THSD7B: variants seen among roughly 807,000 people sequenced by gnomAD.
THSD7B encodes the protein thrombospondin type 1 domain containing 7B.
A neutral mutation model predicts 213.6 loss-of-function variants in THSD7B; 138 were observed. That is an observed-to-expected ratio of 0.65 (90% CI 0.56 to 0.74). THSD7B has a LOEUF of 0.74. THSD7B is among the 30% of genes least tolerant of loss of function. THSD7B has a pLI of 0.00. For missense variants in THSD7B, 1,931 were observed against 1,991.5 expected (o/e 0.97, Z 0.58); for synonymous variants, 742 against 687.0 (o/e 1.08, Z -1.25).
intron 2 of THSD7B, among the ~76,000 whole-genome samples, chr2:137,030,663 A>G (rs1413435617): frequency 6.6e-6 from 1 of 152,192 alleles, no homozygotes; most frequent in African/African-American, 2.4e-5. Context: ...GAAGTTACTC[A>G]AGAATCAAAA....
At chr2:137,119,009 T>C (rs1221973869) in intron 5 of THSD7B, among the ~76,000 whole-genome samples, 1 of 152,158 alleles carries the variant, frequency 6.6e-6, no homozygotes, top group Non-Finnish European at 1.5e-5. Context: ...CCCCCATGAT[T>C]CAATTATCTC....
chr2:136,772,947 T>A (rs1223647032), intron 1 of THSD7B, among the ~76,000 whole-genome samples: 1 of 152,202 alleles, frequency 6.6e-6, no homozygotes, highest in African/African-American at 2.4e-5. Flanking sequence ...AAATATACTG[T>A]TGGAATCTGA....
intron 2 of THSD7B, among the ~76,000 whole-genome samples, chr2:136,940,738 A>ATT (rs1310333521): frequency 1.1e-4 from 16 of 140,736 alleles, no homozygotes; most frequent in Admixed American, 2.9e-4. Context: ...ATATATATAT[A>ATT]TATATTTTTT....
chr2:136,895,605 G>A (rs556710271), intron 2 of THSD7B, among the ~76,000 whole-genome samples: 1 of 133,110 alleles, frequency 7.5e-6, no homozygotes, highest in South Asian at 2.5e-4. Context: ...TTTATTTTAA[G>A]CAACTTTATT....
intron 12 of THSD7B, among the ~76,000 whole-genome samples, chr2:137,338,494 A>G (rs148236586): frequency 6.6e-6 from 1 of 152,070 alleles, no homozygotes; most frequent in African/African-American, 2.4e-5. Flanking sequence ...AAACTAAAAC[A>G]TATACCTAGT....
intron 12 of THSD7B, among the ~76,000 whole-genome samples, chr2:137,358,526 C>T (rs910533481): frequency 2.0e-5 from 3 of 152,122 alleles, no homozygotes; most frequent in Non-Finnish European, 2.9e-5. Context: ...AACAAAATAT[C>T]TTAAAAATAC....
chr2:137,231,305 T>G, intron 8 of THSD7B, 70 bp downstream of exon 8: 1 of 1,427,404 alleles, frequency 7.0e-7, no homozygotes, highest in South Asian at 1.3e-5. Context: ...TCATTGGTGA[T>G]AGAGAAGTTT....
chr2:137,608,428 T>C (rs2104830387), intron 17 of THSD7B, among the ~76,000 whole-genome samples: 1 of 152,192 alleles, frequency 6.6e-6, no homozygotes, highest in South Asian at 2.1e-4. Flanking sequence ...GCTTTACAAG[T>C]GTAACAGTTA....
chr2:136,892,493 AC>A (rs1415847049), intron 2 of THSD7B, among the ~76,000 whole-genome samples: 1 of 151,234 alleles, frequency 6.6e-6, no homozygotes, highest in Non-Finnish European at 1.5e-5. Flanking sequence ...TTTTTCTACT[AC>A]CTACGCTGGA....
chr2:137,178,332 A>G (rs1680397026), intron 7 of THSD7B, among the ~76,000 whole-genome samples: 1 of 152,208 alleles, frequency 6.6e-6, no homozygotes, highest in Non-Finnish European at 1.5e-5. Context: ...TTTTCATTTC[A>G]GCAGGCTGTC....
chr2:137,490,632 A>T (rs937907951), intron 15 of THSD7B, among the ~76,000 whole-genome samples: 1 of 152,094 alleles, frequency 6.6e-6, no homozygotes, highest in Non-Finnish European at 1.5e-5. Flanking sequence ...TATCAGGCAA[A>T]ATCTATAGTT....
chr2:137,403,727 C>T (rs1448479449), intron 12 of THSD7B, among the ~76,000 whole-genome samples: 1 of 152,168 alleles, frequency 6.6e-6, no homozygotes, highest in Non-Finnish European at 1.5e-5. Context: ...TGTGTATTCT[C>T]ATATACATCC....
At chr2:136,974,896 C>T (rs1685455313) in intron 2 of THSD7B, among the ~76,000 whole-genome samples, 1 of 152,186 alleles carries the variant, frequency 6.6e-6, no homozygotes, top group Non-Finnish European at 1.5e-5. Context: ...GCCATTCTGA[C>T]TGGCATGACA....
Position 137,448,836 on chromosome 2 carries a change from C to CAAAAAA in THSD7B, c.2960-2004_2960-2003insAAAAAA, listed in dbSNP as rs1553450627. On this transcript the variant is annotated intron_variant, in intron 14 of 27. Transcript: ENST00000409968. The stretch of plus-strand genomic sequence containing the variant: ...ACAACAACAACAACAACAACAACAA[C>CAAAAAA]AAAAACTACCCTTTCCTGGGTCCCA... Among the ~76,000 whole-genome samples the CAAAAAA allele has an allele frequency of 3.9e-3, 570 of 147,594 alleles. 9 individuals carry two copies. The highest frequency in any genetic ancestry group is 0.025 in the Admixed American group (374 of 14,976).
chr2:136,823,581 T>G (rs1183420051), intron 1 of THSD7B, among the ~76,000 whole-genome samples: 1 of 152,192 alleles, frequency 6.6e-6, no homozygotes, highest in Non-Finnish European at 1.5e-5. Context: ...TTTACTTCTT[T>G]ATATTTAAAA....
At chr2:137,546,454 ATT>A (rs1491550717) in intron 15 of THSD7B, among the ~76,000 whole-genome samples, 1,717 of 30,646 alleles carry the variant, frequency 0.056, 320 homozygotes, top group South Asian at 0.16. Flanking sequence ...TTATATATAT[ATT>A]ATATATAATA....
At position 136,846,004 on chromosome 2, in the gene THSD7B, C is replaced by T. The variant is rs980627060; in HGVS notation, c.-35-36140C>T. ...GGCTCTGGTGAGCACAGGGGGTAGT[C>T]GGTCATCTTCCTGTCACTGTCCCTC... On this transcript the variant is annotated intron_variant, in intron 1 of 27. Transcript: ENST00000409968. Among the ~76,000 whole-genome samples the T allele has an allele frequency of 1.1e-4, 16 of 152,212 alleles. No individual in the cohort carries two copies. The South Asian group carries it at 2.1e-3, about 20-fold the overall frequency.
intron 2 of THSD7B, among the ~76,000 whole-genome samples, chr2:137,045,197 T>A (rs1314473431): frequency 6.6e-6 from 1 of 152,148 alleles, no homozygotes; most frequent in Non-Finnish European, 1.5e-5. Context: ...TTTTTTCTCC[T>A]TATTAAGTCT....
chr2:137,222,981 A>G (rs372592893), intron 7 of THSD7B, among the ~76,000 whole-genome samples: 1 of 152,284 alleles, frequency 6.6e-6, no homozygotes, highest in African/African-American at 2.4e-5. Context: ...ACAACTATGG[A>G]AATTTCAGAT....
Sources: gnomAD v4.1 joint callset for allele counts (sites outside exome capture counted in the v4.1 genomes callset) on GRCh38, gnomAD v4.1.1 for gene constraint, MANE v1.5 for transcripts, NCBI Gene and HGNC (gene_info 2026-07-23, HGNC 2026-07-21) for gene names.